The following CEP126 variants were observed in gnomAD, a reference collection of about 807,000 sequenced individuals.
CEP126 encodes centrosomal protein of 126 kDa.
Under a neutral mutation model 107.8 loss-of-function variants are expected in CEP126, and 74 were observed. That is an observed-to-expected ratio of 0.69 (90% CI 0.57 to 0.83). The LOEUF (loss-of-function observed/expected upper bound fraction) is 0.83, where lower values mean the gene tolerates loss of function less well. Ranked by LOEUF, CEP126 falls within the 40% of genes least tolerant of loss-of-function variation. The probability of loss-of-function intolerance (pLI) is 0.00; values close to 1 mark genes in which losing one functional copy is unlikely to be tolerated. For synonymous variants in CEP126, 449 were observed against 446.0 expected, an observed-to-expected ratio of 1.01 and a Z score of -0.08; for missense variants, 1,237 against 1,281.9, an observed-to-expected ratio of 0.96 and a Z score of 0.53.
chr11:101,940,907 T>C (rs1052002365), intron 2 of CEP126, among the ~76,000 whole-genome samples: 2 of 152,140 alleles, frequency 1.3e-5, no homozygotes, highest in Non-Finnish European at 2.9e-5. Context: ...GGTAATAAAG[T>C]CACAGGGCCA....
chr11:101,983,896 T>A (rs1416021504), intron 8 of CEP126, among the ~76,000 whole-genome samples: 1 of 152,234 alleles, frequency 6.6e-6, no homozygotes, highest in Non-Finnish European at 1.5e-5. Flanking sequence ...AGTCCATTAA[T>A]GTGCTAACAA....
intron 2 of CEP126, among the ~76,000 whole-genome samples, chr11:101,938,087 A>G (rs997330716): frequency 3.3e-4 from 47 of 143,666 alleles, no homozygotes; most frequent in African/African-American, 1.2e-3. Context: ...CGGGAAGCGG[A>G]GCTTGCAGTG....
At chr11:101,994,452 G>A (rs1941419168) in intron 10 of CEP126, among the ~76,000 whole-genome samples, 1 of 152,154 alleles carries the variant, frequency 6.6e-6, no homozygotes, top group East Asian at 1.9e-4. Flanking sequence ...CAAGGCCTAT[G>A]TCCAGGATGG....
rs1175625342 is a variant in CEP126 at position 101,948,155 on chromosome 11, T to C, written c.506+13T>C. The C allele has an allele frequency of 6.8e-7, 1 of 1,463,298 alleles. No individual in the cohort carries two copies. The highest frequency in any genetic ancestry group is 1.7e-5 in the Admixed American group (1 of 58,888). 90.6% of individuals were successfully genotyped at this position (1,463,298 alleles called of 1,614,324 possible). ...CAATAAACTGGAGGTAAGTAATTTATGATCATTGTATACAATTATTACAAT... is the reference window on the plus strand; with the variant it reads ...CAATAAACTGGAGGTAAGTAATTTACGATCATTGTATACAATTATTACAAT... On this transcript the variant is annotated intron_variant, in intron 4 of 10. Coordinates refer to ENST00000263468, the MANE Select transcript of CEP126 (RefSeq NM_020802.4).
chr11:101,992,951 G>A, intron 10 of CEP126, 109 bp downstream of exon 10: 1 of 1,083,300 alleles, frequency 9.2e-7, no homozygotes, highest in South Asian at 4.0e-5. Flanking sequence ...TCTTGGGATT[G>A]GTTTATAGAG....
chr11:101,983,670 C>T (rs1941283296), intron 8 of CEP126, among the ~76,000 whole-genome samples: 1 of 152,208 alleles, frequency 6.6e-6, no homozygotes, highest in Admixed American at 6.5e-5. Context: ...GAATATCTGA[C>T]ACCAGAAGAA....
intron 4 of CEP126, among the ~76,000 whole-genome samples, chr11:101,957,865 T>C (rs1940919993): frequency 6.6e-6 from 1 of 152,178 alleles, no homozygotes; most frequent in African/African-American, 2.4e-5. Context: ...TACACAGGAA[T>C]TACTTCTACC....
chr11:101,991,950 G>A (rs906335353), intron 9 of CEP126, among the ~76,000 whole-genome samples: 1 of 152,146 alleles, frequency 6.6e-6, no homozygotes, highest in Non-Finnish European at 1.5e-5. Flanking sequence ...AAGCAGTGTA[G>A]TGGGTTAGTT....
intron 6 of CEP126, among the ~76,000 whole-genome samples, chr11:101,968,396 G>T (rs907808144): frequency 1.3e-5 from 2 of 152,092 alleles, no homozygotes; most frequent in Non-Finnish European, 2.9e-5. Flanking sequence ...AGTGAAATAA[G>T]AGATGCTTGG....
rs781489478 is a variant in CEP126, at chr11:101,961,825, A to T, written c.790A>T (p.Ile264Leu). 1 of 1,611,100 alleles carries T rather than the reference A, an allele frequency of 6.2e-7. No individual in the cohort carries two copies. The highest frequency in any genetic ancestry group is 1.7e-5 in the Admixed American group (1 of 59,668). ...DSLEATEHEE[I>L]YLTLNKEHST... ...TCTTGAGGCTACAGAGCATGAAGAAATATATTTAACACTTAATAAGGAGCA... is the reference window on the plus strand; with the variant it reads ...TCTTGAGGCTACAGAGCATGAAGAATTATATTTAACACTTAATAAGGAGCA... The change falls in exon 6 of 11, where the codon ATA (isoleucine) becomes TTA (leucine). Residue 264 changes from isoleucine to leucine, a missense_variant. Ile to Leu is a conservative substitution (Grantham distance 5). Around this residue, in one of 3 missense-constraint regions of CEP126, gnomAD observed 1,134 missense variants for 1,150.5 expected, o/e 0.99. Transcript: ENST00000263468.
At position 101,958,256 on chromosome 11, in the gene CEP126, G is replaced by C; in HGVS notation, c.595G>C (p.Glu199Gln). 1 of 1,613,976 alleles carries C rather than the reference G, an allele frequency of 6.2e-7. No homozygotes were observed. The highest frequency in any genetic ancestry group is 1.7e-5 in the Admixed American group (1 of 60,016). ...CTTATCCAAAATCAATTGTGAGAAAGAAATGAATGAAAACATGAGGGCAAC... is the reference window on the plus strand; with the variant it reads ...CTTATCCAAAATCAATTGTGAGAAACAAATGAATGAAAACATGAGGGCAAC... Reference protein sequence around the residue: ...QLLSKINCEKEMNENMRATLA... With the variant: ...QLLSKINCEKQMNENMRATLA... Residue 199 changes from glutamate to glutamine, a missense_variant, in exon 5 of 11, where the codon GAA (glutamate) becomes CAA (glutamine). Glu to Gln is a conservative substitution (Grantham distance 29). Coordinates refer to ENST00000263468, the MANE Select transcript of CEP126 (RefSeq NM_020802.4).
intron 7 of CEP126, among the ~76,000 whole-genome samples, chr11:101,979,216 G>T (rs551834169): frequency 6.6e-6 from 1 of 152,178 alleles, no homozygotes; most frequent in Non-Finnish European, 1.5e-5. Context: ...TGAGCTTCCT[G>T]GAAGACATGG....
chr11:101,977,809 C>A lies in CEP126; in HGVS notation c.2846-538C>A, dbSNP rs1480986765. On this transcript the variant is annotated intron_variant, in intron 6 of 10. Coordinates refer to ENST00000263468, the MANE Select transcript of CEP126 (RefSeq NM_020802.4). The stretch of plus-strand genomic sequence containing the variant: ...TATAAGATACGCATAAATTCACTTA[C>A]CTGGGCACACATAAATTTTAGTACA... 2.0e-5 allele frequency among the ~76,000 whole-genome samples: 3 copies of A among 151,976 alleles called. No homozygotes were observed. In the East Asian group the frequency reaches 5.8e-4, roughly 29 times the overall value.
chr11:101,930,067 C>T (rs544313256), intron 2 of CEP126, among the ~76,000 whole-genome samples: 2 of 145,838 alleles, frequency 1.4e-5, no homozygotes, highest in African/African-American at 5.1e-5. Flanking sequence ...AAAAAGAAAA[C>T]CCAGAGAACT....
intron 6 of CEP126, among the ~76,000 whole-genome samples, chr11:101,973,289 G>C (rs537974938): frequency 2.6e-5 from 4 of 152,060 alleles, no homozygotes; most frequent in Non-Finnish European, 4.4e-5. Context: ...AGTATAAAAT[G>C]GTTTCTAATT....
chr11:101,920,605 CTT>C (rs5794145), intron 1 of CEP126, among the ~76,000 whole-genome samples: 17 of 141,426 alleles, frequency 1.2e-4, no homozygotes, highest in Admixed American at 2.1e-4. Context: ...ATTCAATGAA[CTT>C]TTTTTTTTTT....
At chr11:101,978,167 C>T (rs185464122) in intron 6 of CEP126, among the ~76,000 whole-genome samples, 180 bp from the exon 7 acceptor site, 164 of 152,276 alleles carry the variant, frequency 1.1e-3, no homozygotes, top group African/African-American at 3.6e-3. Flanking sequence ...TTGTTGAATT[C>T]ATCATTTTAA....
Position 101,924,448 on chromosome 11 carries a change from G to A in CEP126, c.248+1688G>A, listed in dbSNP as rs1940377210. The stretch of plus-strand genomic sequence containing the variant: ...GTTGTTGTTTTGGGGCTGTGTGTGT[G>A]TGTGTGTGTGGTTTTTTGTTTTGTT... On this transcript the variant is annotated intron_variant, in intron 2 of 10. Transcript: ENST00000263468. 2.6e-5 allele frequency among the ~76,000 whole-genome samples: 4 copies of A among 151,792 alleles called. No homozygotes were observed. The South Asian group carries it at 8.3e-4, about 32-fold the overall frequency.
At chr11:101,968,682 A>T (rs1941088852) in intron 6 of CEP126, among the ~76,000 whole-genome samples, 1 of 152,194 alleles carries the variant, frequency 6.6e-6, no homozygotes, top group Non-Finnish European at 1.5e-5. Flanking sequence ...GGGCTTTCTC[A>T]TCTAAAAAGG....
Sources: allele counts gnomAD v4.1 joint callset (sites outside exome capture counted in the v4.1 genomes callset), GRCh38; gene constraint gnomAD v4.1.1; regional missense constraint gnomAD v4.1.1; transcripts MANE v1.5; gene names NCBI Gene and HGNC (gene_info 2026-07-23, HGNC 2026-07-21).